CTNNA2: variants seen among roughly 807,000 people sequenced by gnomAD.
CTNNA2 encodes the protein catenin alpha-2.
In CTNNA2, 42 loss-of-function variants were observed where a neutral mutation model predicts 101.0. That is an observed-to-expected ratio of 0.42 (90% CI 0.32 to 0.54). The LOEUF is 0.54. Among genes scored for constraint, CTNNA2 ranks in the 20% least tolerant of loss-of-function variants. The pLI, the probability that CTNNA2 is intolerant of heterozygous loss-of-function variation, is 0.14. For missense variants in CTNNA2, 871 were observed against 1,223.1 expected, an observed-to-expected ratio of 0.71 and a Z score of 4.29; for synonymous variants, 450 against 456.4, an observed-to-expected ratio of 0.99 and a Z score of 0.18.
At chr2:80,512,084 A>G (rs1688744353) in intron 9 of CTNNA2, among the ~76,000 whole-genome samples, 1 of 147,890 alleles carries the variant, frequency 6.8e-6, no homozygotes, top group African/African-American at 2.5e-5. Context: ...CAGGAGGTAA[A>G]GGTTGCAGTG....
intron 7 of CTNNA2, among the ~76,000 whole-genome samples, chr2:80,236,265 T>C (rs1709545521): frequency 6.6e-6 from 1 of 152,224 alleles, no homozygotes; most frequent in South Asian, 2.1e-4. Flanking sequence ...AGTACTTCAC[T>C]GAACATTTGT....
At chr2:79,758,979 T>C (rs1366842834) in intron 3 of CTNNA2, among the ~76,000 whole-genome samples, 1 of 152,154 alleles carries the variant, frequency 6.6e-6, no homozygotes, top group Non-Finnish European at 1.5e-5. Flanking sequence ...TGAAGTGATA[T>C]ATAGGCAATC....
At chr2:79,299,265 T>G (rs1676051831) in intron 2 of CTNNA2, among the ~76,000 whole-genome samples, 1 of 152,156 alleles carries the variant, frequency 6.6e-6, no homozygotes. Flanking sequence ...GTGAGATTTA[T>G]TTGGATGTCT....
chr2:80,281,974 A>T (rs1422012581), intron 7 of CTNNA2, among the ~76,000 whole-genome samples: 2 of 152,066 alleles, frequency 1.3e-5, no homozygotes, highest in African/African-American at 4.8e-5. Context: ...CCTTGGAATA[A>T]TAGAACCTGC....
chr2:80,083,494 G>A (rs1324308140), intron 7 of CTNNA2, among the ~76,000 whole-genome samples: 1 of 151,984 alleles, frequency 6.6e-6, no homozygotes, highest in African/African-American at 2.4e-5. Flanking sequence ...CAGAAGATGG[G>A]CATGGGTATT....
At chr2:79,822,717 G>A (rs192360906) in intron 3 of CTNNA2, among the ~76,000 whole-genome samples, 2 of 152,240 alleles carry the variant, frequency 1.3e-5, no homozygotes, top group Admixed American at 6.5e-5. Context: ...CTGGCCGCTA[G>A]TGGCCTTTTC....
At chr2:80,147,868 T>C (rs1039262865) in intron 7 of CTNNA2, among the ~76,000 whole-genome samples, 1 of 152,100 alleles carries the variant, frequency 6.6e-6, no homozygotes, top group Non-Finnish European at 1.5e-5. Context: ...ATCAAATTGC[T>C]CCTGACAGAG....
In CTNNA2 at chr2:79,571,205, T is replaced by C. The variant is rs150781715; in HGVS notation, c.-6+57998T>C. On this transcript the variant is annotated intron_variant, in intron 1 of 18. Coordinates refer to ENST00000402739, the MANE Select transcript of CTNNA2 (RefSeq NM_001282597.3). The stretch of plus-strand genomic sequence containing the variant: ...AGGAAATGGGCCTGTTTTCCATTTC[T>C]CATTTGGAATGGTCAGTAACAAGTG... Among the ~76,000 whole-genome samples, 476 of 152,278 alleles carry C rather than the reference T, an allele frequency of 3.1e-3. 1 individual carries two copies. The highest frequency in any genetic ancestry group is 0.011 in the African/African-American group (446 of 41,562).
intron 3 of CTNNA2, among the ~76,000 whole-genome samples, chr2:79,774,142 C>T (rs1041359072): frequency 3.3e-5 from 5 of 152,152 alleles, no homozygotes; most frequent in East Asian, 3.9e-4. Context: ...GTTTTGCACC[C>T]GGGCCTCAAG....
intron 7 of CTNNA2, among the ~76,000 whole-genome samples, chr2:79,925,699 G>C (rs1686975071): frequency 6.6e-6 from 1 of 152,028 alleles, no homozygotes; most frequent in African/African-American, 2.4e-5. Context: ...CCAGGAGAGA[G>C]GAATGAGTGT....
intron 7 of CTNNA2, among the ~76,000 whole-genome samples, chr2:79,926,541 C>G (rs1310359500): frequency 6.6e-6 from 1 of 151,830 alleles, no homozygotes; most frequent in African/African-American, 2.4e-5. Flanking sequence ...GAATGCTTAC[C>G]CACTGGCTGA....
intron 2 of CTNNA2, chr2:79,697,999 T>C (rs1403801832): frequency 1.3e-5 from 2 of 152,090 alleles, no homozygotes; most frequent in East Asian, 3.9e-4. Context: ...TTATTTTTGT[T>C]ATGTTATAGC....
At chr2:79,585,290 C>T (rs1370467766) in intron 1 of CTNNA2, among the ~76,000 whole-genome samples, 5 of 151,908 alleles carry the variant, frequency 3.3e-5, no homozygotes, top group African/African-American at 1.2e-4. Context: ...CACTTATTTA[C>T]AATTAGGGAT....
chr2:79,972,894 A>G (rs544406876), intron 7 of CTNNA2, among the ~76,000 whole-genome samples: 18 of 152,248 alleles, frequency 1.2e-4, no homozygotes, highest in Middle Eastern at 3.4e-3. Flanking sequence ...CGTAATTTTC[A>G]TATCTTTGGA....
chr2:79,382,164 C>A (rs1284118050), intron 4 of CTNNA2, among the ~76,000 whole-genome samples: 1 of 151,786 alleles, frequency 6.6e-6, no homozygotes, highest in Non-Finnish European at 1.5e-5. Flanking sequence ...GTGGGACATC[C>A]TCTCCTGTCC....
chr2:79,820,514 G>A (rs565838928), intron 3 of CTNNA2, among the ~76,000 whole-genome samples: 25 of 152,300 alleles, frequency 1.6e-4, no homozygotes, highest in Admixed American at 1.5e-3. Flanking sequence ...CATAAAGATT[G>A]AAGAAATGGG....
intron 7 of CTNNA2, among the ~76,000 whole-genome samples, chr2:79,985,751 G>A (rs1172213060): frequency 6.6e-6 from 1 of 152,204 alleles, no homozygotes; most frequent in Admixed American, 6.5e-5. Flanking sequence ...TCTGAGCATG[G>A]CCTTGCCTGC....
At chr2:80,565,995 G>T (rs184832432) in intron 12 of CTNNA2, among the ~76,000 whole-genome samples, 1 of 152,042 alleles carries the variant, frequency 6.6e-6, no homozygotes, top group Non-Finnish European at 1.5e-5. Context: ...TGCTTGAAAC[G>T]TAGATCAAGC....
intron 6 of CTNNA2, among the ~76,000 whole-genome samples, chr2:79,891,261 G>C (rs1684284001): frequency 6.6e-6 from 1 of 152,090 alleles, no homozygotes; most frequent in South Asian, 2.1e-4. Flanking sequence ...GATTTGCATG[G>C]AAGTTAAGAA....
Sources: allele counts gnomAD v4.1 joint callset (sites outside exome capture counted in the v4.1 genomes callset), GRCh38; gene constraint gnomAD v4.1.1; transcripts MANE v1.5; gene names NCBI Gene and HGNC (gene_info 2026-07-23, HGNC 2026-07-21).